Variants in TBCD observed in about 807,000 individuals in gnomAD.
The protein encoded by TBCD is tubulin folding cofactor D.
In TBCD, 105 loss-of-function variants were observed where a neutral mutation model predicts 169.3. The observed-to-expected ratio is 0.62, with a 90% CI of 0.53 to 0.73. The LOEUF (loss-of-function observed/expected upper bound fraction) is 0.73. Among genes scored for constraint, TBCD ranks in the 30% least tolerant of loss-of-function variants. The pLI, the probability that TBCD is intolerant of heterozygous loss-of-function variation, is 0.00. For synonymous variants in TBCD, 700 were observed against 643.9 expected (o/e 1.09, Z -1.32); for missense variants, 1,444 against 1,600.1 (o/e 0.90, Z 1.66).
chr17:82,940,961 A>G (rs1234239772), intron 37 of TBCD, among the ~76,000 whole-genome samples: 1 of 152,206 alleles, frequency 6.6e-6, no homozygotes, highest in East Asian at 1.9e-4. Flanking sequence ...TTTCTGTTAA[A>G]AAAAAAAATC....
chr17:82,823,708 A>G (rs1487279853), intron 13 of TBCD, among the ~76,000 whole-genome samples: 1 of 152,154 alleles, frequency 6.6e-6, no homozygotes, highest in Non-Finnish European at 1.5e-5. Context: ...TAATTCGTCT[A>G]CCATATAATT....
chr17:82,939,540 C>T lies in TBCD; in HGVS notation c.3479+64C>T, dbSNP rs1388010345. ...GCACCGCCCCTCTTCCTGTCCCCAC[C>T]GTGTCTACTCGTCTCTCCCAAAACC... On this transcript the variant is annotated intron_variant, in intron 37 of 38. Coordinates refer to ENST00000355528, the MANE Select transcript of TBCD (RefSeq NM_005993.5). 11 of 1,274,964 alleles carry T rather than the reference C, an allele frequency of 8.6e-6. No individual in the cohort carries two copies. The East Asian group carries it at 1.2e-4, about 14-fold the overall frequency. The allele number at this position is 1,274,964 out of a possible 1,614,324, so 79.0% of individuals were successfully genotyped here.
At chr17:82,772,640 C>T in intron 6 of TBCD, 133 bp downstream of exon 6, 1 of 969,682 alleles carries the variant, frequency 1.0e-6, no homozygotes, top group Non-Finnish European at 1.7e-6. Flanking sequence ...CTGTGGCTTT[C>T]TCTGAGGGAG....
chr17:82,914,289 C>T (rs555315511), intron 23 of TBCD: 168 of 152,474 alleles, frequency 1.1e-3, no homozygotes, highest in Non-Finnish European at 2.0e-3. Context: ...GTGCTGGGTG[C>T]AGGGTGGTTT....
rs542116043 is a variant in TBCD at position 82,870,521 on chromosome 17, C to T, written c.1475+141C>T. ...GCCAGAGGATCTGTGACAAAGCCAC[C>T]GCTTGGAGGTCAAGCTCCTTTTCTG... On this transcript the variant is annotated intron_variant, in intron 14 of 38. Coordinates refer to ENST00000355528, the MANE Select transcript of TBCD (RefSeq NM_005993.5). 40 of 1,151,058 alleles carry T rather than the reference C, an allele frequency of 3.5e-5. 1 individual carries two copies. The South Asian group carries it at 4.2e-4, about 12-fold the overall frequency. 71.3% of individuals were successfully genotyped at this position (1,151,058 alleles called of 1,614,324 possible). A position where few individuals can be genotyped will look rare whatever the true frequency, so the allele number is the denominator to read the frequency against.
Position 82,942,630 on chromosome 17 carries a change from T to C in TBCD, c.*167T>C, listed in dbSNP as rs1279164987. The C allele has an allele frequency of 1.2e-6, 1 of 819,184 alleles. No homozygotes were observed. Among genetic ancestry groups the C allele is most frequent in the Non-Finnish European group, 2.0e-6 (1 of 504,790 alleles). The allele number at this position is 819,184 out of a possible 1,614,324, so 50.7% of individuals were successfully genotyped here. ...CAGCTTTTCCTCTCTGCACCTGCGCTCTGGTGACTTGGGGTGGACGCCTCT... is the reference window on the plus strand; with the variant it reads ...CAGCTTTTCCTCTCTGCACCTGCGCCCTGGTGACTTGGGGTGGACGCCTCT... On this transcript the variant is annotated 3_prime_UTR_variant, in exon 39 of 39. Transcript: ENST00000355528.
At chr17:82,924,570 C>A (rs1837788100) in intron 26 of TBCD, among the ~76,000 whole-genome samples, 1 of 152,170 alleles carries the variant, frequency 6.6e-6, no homozygotes, top group Non-Finnish European at 1.5e-5. Context: ...TTAATCACGT[C>A]AAAAGTGTGT....
intron 6 of TBCD, among the ~76,000 whole-genome samples, chr17:82,778,288 C>T (rs192358985): frequency 6.6e-4 from 101 of 152,106 alleles, no homozygotes; most frequent in Admixed American, 6.0e-3. Flanking sequence ...CACAGTATTC[C>T]GCTTTTCCAT....
chr17:82,865,643 C>A, intron 13 of TBCD: 2 of 666,888 alleles, frequency 3.0e-6, no homozygotes, highest in Non-Finnish European at 3.7e-6. Context: ...AGAAGTCCAG[C>A]ACGATGCAGT....
At position 82,874,559 on chromosome 17, in the gene TBCD, C is replaced by T. The variant is rs572272301; in HGVS notation, c.1475+4179C>T. Among the ~76,000 whole-genome samples the T allele has an allele frequency of 1.3e-5, 2 of 152,282 alleles. No homozygotes were observed. The highest frequency in any genetic ancestry group is 4.1e-4 in the South Asian group (2 of 4,826). On this transcript the variant is annotated intron_variant, in intron 14 of 38. Transcript: ENST00000355528. The surrounding 1 kb of genome is among the most constrained non-coding windows in gnomAD (Gnocchi z 5.0). Reference sequence around the variant, plus strand: ...GCCCCTTTACCTGTGCCATCCCGGCCGCAGACCCAAGGGTGCCCTTGGAGC... The same window carrying T: ...GCCCCTTTACCTGTGCCATCCCGGCTGCAGACCCAAGGGTGCCCTTGGAGC...
chr17:82,900,771 C>T (rs1567993086), intron 18 of TBCD, 40 bp downstream of exon 18: 1 of 1,473,880 alleles, frequency 6.8e-7, no homozygotes. Context: ...GCTTTTTTTC[C>T]CCCCAAAGGA....
chr17:82,810,437 G>A (rs1248747731), intron 12 of TBCD, among the ~76,000 whole-genome samples: 1 of 152,180 alleles, frequency 6.6e-6, no homozygotes, highest in African/African-American at 2.4e-5. Context: ...AGTGAGACCC[G>A]GTCTCAGAAC....
intron 8 of TBCD, among the ~76,000 whole-genome samples, chr17:82,798,347 C>T (rs751087618): frequency 5.3e-5 from 8 of 152,208 alleles, no homozygotes; most frequent in Non-Finnish European, 1.2e-4. Context: ...GGGGTTTCAC[C>T]GTGTTAGCCA....
intron 13 of TBCD, among the ~76,000 whole-genome samples, chr17:82,857,849 A>T (rs565925666): frequency 5.3e-5 from 8 of 150,200 alleles, no homozygotes; most frequent in African/African-American, 2.0e-4. Context: ...TTAGTTACAT[A>T]TGTATACATG....
At chr17:82,824,650 C>A (rs1216865523) in intron 13 of TBCD, among the ~76,000 whole-genome samples, 1 of 152,192 alleles carries the variant, frequency 6.6e-6, no homozygotes, top group Non-Finnish European at 1.5e-5. Context: ...GCACCACCGC[C>A]CCTGGCCATA....
chr17:82,764,192 C>G lies in TBCD; in HGVS notation c.333+130C>G, dbSNP rs144397828. The G allele has an allele frequency of 1.1e-4, 82 of 719,146 alleles. No individual in the cohort carries two copies. The East Asian group carries it at 2.1e-3, about 19-fold the overall frequency. 44.5% of individuals were successfully genotyped at this position (719,146 alleles called of 1,614,324 possible). On this transcript the variant is annotated intron_variant, in intron 3 of 38. Transcript: ENST00000355528. Reference sequence around the variant, plus strand: ...CACAAGTTGTGGGTTTAATTCTGTCCCTTTTTACTGTATGTTGGGGATCAG... The same window carrying G: ...CACAAGTTGTGGGTTTAATTCTGTCGCTTTTTACTGTATGTTGGGGATCAG...
intron 11 of TBCD, among the ~76,000 whole-genome samples, chr17:82,809,433 G>A (rs1185546035): frequency 1.4e-4 from 22 of 152,176 alleles, no homozygotes; most frequent in Admixed American, 1.4e-3. Context: ...GCCGTCACTG[G>A]TGGCCTGCAG....
At chr17:82,817,197 C>G (rs1416474856) in intron 13 of TBCD, among the ~76,000 whole-genome samples, 1 of 152,180 alleles carries the variant, frequency 6.6e-6, no homozygotes, top group Admixed American at 6.5e-5. Context: ...GTGGCCCCAT[C>G]ACAGCTCGTT....
chr17:82,882,218 G>T (rs980979489), intron 14 of TBCD, among the ~76,000 whole-genome samples: 3 of 152,198 alleles, frequency 2.0e-5, no homozygotes, highest in African/African-American at 7.2e-5. Context: ...GCTCACCTCT[G>T]TGGGCTGCTC....
Sources: allele counts gnomAD v4.1 joint callset (sites outside exome capture counted in the v4.1 genomes callset), GRCh38; gene constraint gnomAD v4.1.1; non-coding constraint Gnocchi (gnomAD v3.1); transcripts MANE v1.5; gene names NCBI Gene and HGNC (gene_info 2026-07-23, HGNC 2026-07-21).